TSC22D1: variants seen among roughly 807,000 people sequenced by gnomAD.
The protein encoded by TSC22D1 is TSC22 domain family protein 1.
TSC22D1 carries 9 observed loss-of-function variants against 74.2 expected under a neutral mutation model. The ratio of observed to expected loss-of-function variants is 0.12; its 90% CI spans 0.07 to 0.21. TSC22D1 has a LOEUF of 0.21. Ranked by LOEUF, TSC22D1 falls within the 10% of genes least tolerant of loss-of-function variation. The pLI, the probability that TSC22D1 is intolerant of heterozygous loss-of-function variation, is 1.00. For synonymous variants in TSC22D1, 586 were observed against 492.5 expected, an observed-to-expected ratio of 1.19 and a Z score of -2.51; for missense variants, 1,427 against 1,304.7, an observed-to-expected ratio of 1.09 and a Z score of -1.44.
intron 1 of TSC22D1, among the ~76,000 whole-genome samples, chr13:44,449,895 A>T (rs1050156351): frequency 6.6e-5 from 10 of 152,222 alleles, no homozygotes; most frequent in Non-Finnish European, 1.5e-5. Context: ...GCATTTATTT[A>T]ACAGTGAGCA....
At chr13:44,545,509 C>T (rs984192943) in intron 1 of TSC22D1, among the ~76,000 whole-genome samples, 3 of 150,724 alleles carry the variant, frequency 2.0e-5, no homozygotes, top group African/African-American at 7.3e-5. Context: ...GTGTCTTCTT[C>T]GTCTTGCTAG....
At chr13:44,512,166 TTTTC>T (rs1028064547) in intron 1 of TSC22D1, among the ~76,000 whole-genome samples, 3 of 151,224 alleles carry the variant, frequency 2.0e-5, no homozygotes, top group South Asian at 2.1e-4. Context: ...TGTTTGTTTG[TTTTC>T]TTTTTTTGTT....
intron 1 of TSC22D1, chr13:44,536,939 A>AAAAAAAAC (rs1881171012): frequency 1.2e-6 from 1 of 830,614 alleles, no homozygotes; most frequent in Non-Finnish European, 1.4e-6. Flanking sequence ...AAAAAAAAAA[A>AAAAAAAAC]AAAAAAAAAA....
chr13:44,490,737 A>T (rs1878662418), intron 1 of TSC22D1, among the ~76,000 whole-genome samples: 1 of 151,912 alleles, frequency 6.6e-6, no homozygotes, highest in Non-Finnish European at 1.5e-5. Flanking sequence ...GTCTCTACTA[A>T]AAATACAAAA....
intron 1 of TSC22D1, among the ~76,000 whole-genome samples, chr13:44,570,394 G>A (rs1341642589): frequency 6.6e-6 from 1 of 151,968 alleles, no homozygotes; most frequent in Non-Finnish European, 1.5e-5. Flanking sequence ...GTTTTGCCAT[G>A]TTGCCCAGGC....
At chr13:44,571,154 G>A (rs183204045) in intron 1 of TSC22D1, among the ~76,000 whole-genome samples, 5 of 152,300 alleles carry the variant, frequency 3.3e-5, no homozygotes, top group African/African-American at 1.2e-4. Flanking sequence ...CTGGTCTTGT[G>A]GGAGAGACTG....
chr13:44,560,474 AT>A (rs1268673266), intron 1 of TSC22D1, among the ~76,000 whole-genome samples: 1 of 152,206 alleles, frequency 6.6e-6, no homozygotes, highest in Non-Finnish European at 1.5e-5. Context: ...GGAACTTTTA[AT>A]TTTACTTCTG....
In TSC22D1 at chr13:44,575,411, G is replaced by C. The variant is rs765248846; in HGVS notation, c.664C>G (p.His222Asp). The change falls in exon 1 of 3, where the codon CAC becomes GAC. Residue 222 changes from histidine (H) to aspartate (D), a missense_variant. By Grantham distance (81) the His-to-Asp change is moderately conservative. Transcript: ENST00000458659. ...TGCCCATGATGAATCTGATGGTGGT[G>C]ATGGAGGTGGTGTGGATGAGCATTC... Reference protein sequence around the residue: ...NGNAHPHHLHHHHQIHHGHHL... With the variant: ...NGNAHPHHLHDHHQIHHGHHL... The C allele has an allele frequency of 6.2e-7, 1 of 1,613,986 alleles. No homozygotes were observed. The highest frequency in any genetic ancestry group is 1.7e-5 in the Admixed American group (1 of 59,962).
At chr13:44,573,064 A>G in intron 1 of TSC22D1, 99 bp downstream of exon 1, 1 of 1,458,322 alleles carries the variant, frequency 6.9e-7, no homozygotes, top group Non-Finnish European at 9.1e-7. Context: ...ACAAAACACA[A>G]TATACAATGT....
intron 1 of TSC22D1, among the ~76,000 whole-genome samples, chr13:44,471,515 G>A (rs1162956443): frequency 6.6e-6 from 1 of 152,074 alleles, no homozygotes; most frequent in Non-Finnish European, 1.5e-5. Context: ...ACTACAAGTA[G>A]AGATTAAGTA....
intron 1 of TSC22D1, among the ~76,000 whole-genome samples, chr13:44,551,282 C>G (rs1294593821): frequency 2.0e-5 from 3 of 150,412 alleles, no homozygotes; most frequent in Non-Finnish European, 4.4e-5. Context: ...AAAACTAAAA[C>G]AAAAACCCAA....
intron 1 of TSC22D1, among the ~76,000 whole-genome samples, chr13:44,481,351 G>C (rs1878168735): frequency 6.6e-6 from 1 of 151,956 alleles, no homozygotes; most frequent in Non-Finnish European, 1.5e-5. Flanking sequence ...AAATGAGGAA[G>C]ACAGGTAACT....
chr13:44,508,617 T>A (rs1055170094), intron 1 of TSC22D1, among the ~76,000 whole-genome samples: 9 of 152,198 alleles, frequency 5.9e-5, no homozygotes, highest in African/African-American at 2.2e-4. Flanking sequence ...TAGACTATGT[T>A]GCCCACCACC....
At chr13:44,517,857 A>ATATATATATATATAT (rs10627677) in intron 1 of TSC22D1, among the ~76,000 whole-genome samples, 1 of 16,178 alleles carries the variant, frequency 6.2e-5, no homozygotes. Context: ...ATATATATAT[A>ATATATATATATATAT]TTTTTTTTTT....
At chr13:44,451,196 A>G (rs1207539084) in intron 1 of TSC22D1, among the ~76,000 whole-genome samples, 1 of 152,204 alleles carries the variant, frequency 6.6e-6, no homozygotes, top group Admixed American at 6.5e-5. Context: ...GAAATGAGCC[A>G]ATGGACAGTC....
intron 1 of TSC22D1, among the ~76,000 whole-genome samples, chr13:44,479,514 A>G (rs1878082007): frequency 6.6e-6 from 1 of 152,202 alleles, no homozygotes; most frequent in Non-Finnish European, 1.5e-5. Flanking sequence ...AGATCTTGTT[A>G]GAAAATTATT....
At chr13:44,543,614 G>A (rs890270053) in intron 1 of TSC22D1, among the ~76,000 whole-genome samples, 1 of 152,250 alleles carries the variant, frequency 6.6e-6, no homozygotes, top group South Asian at 2.1e-4. Context: ...AACAGAAGCA[G>A]TGTGTCTTTT....
rs747189454 is a variant in TSC22D1 at position 44,573,943 on chromosome 13, T to C, written c.2132A>G (p.Gln711Arg). 1.2e-6 allele frequency: 2 copies of C among 1,614,202 alleles called. No homozygotes were observed. The highest frequency in any genetic ancestry group is 4.5e-5 in the East Asian group (2 of 44,894). Residue 711 changes from glutamine to arginine, a missense_variant, in exon 1 of 3, where the codon CAG becomes CGG. Gln to Arg is a conservative substitution (Grantham distance 43, BLOSUM62 1). Transcript: ENST00000458659. ...TGCTGCCGGAGCCTGGCCAACAGGC[T>C]GGACAGATGCCCCTGCAGGTTGTGC... is the stretch of plus-strand genomic sequence containing the variant. ...VPAQPAGASV[Q>R]PVGQAPAAVS...
At chr13:44,517,879 T>TTTTTTTTTTTTTTTA (rs1269388082) in intron 1 of TSC22D1, among the ~76,000 whole-genome samples, 1 of 120,738 alleles carries the variant, frequency 8.3e-6, no homozygotes, top group Non-Finnish European at 1.7e-5. Context: ...TTTTTTTTTT[T>TTTTTTTTTTTTTTTA]AACAAGGTCT....
Sources: gnomAD v4.1 joint callset for allele counts (sites outside exome capture counted in the v4.1 genomes callset) on GRCh38, gnomAD v4.1.1 for gene constraint, MANE v1.5 for transcripts, NCBI Gene and HGNC (gene_info 2026-07-23, HGNC 2026-07-21) for gene names.